Variants in GRIN2A observed in about 807,000 individuals in gnomAD.
GRIN2A encodes the protein glutamate receptor ionotropic, NMDA 2A.
A neutral mutation model predicts 113.4 loss-of-function variants in GRIN2A; 22 were observed. The observed-to-expected ratio is 0.19, with a 90% CI of 0.14 to 0.28. The LOEUF is 0.28. GRIN2A is among the 10% of genes least tolerant of loss of function. The probability of loss-of-function intolerance (pLI) is 1.00; values close to 1 mark genes in which losing one functional copy is unlikely to be tolerated. For synonymous variants in GRIN2A, 827 were observed against 738.4 expected (o/e 1.12, Z -1.94); for missense variants, 1,502 against 1,887.0 (o/e 0.80, Z 3.78).
intron 4 of GRIN2A, among the ~76,000 whole-genome samples, chr16:9,851,255 T>C (rs1158978651): frequency 6.6e-6 from 1 of 152,222 alleles, no homozygotes; most frequent in Non-Finnish European, 1.5e-5. Context: ...TGTGGCTAAT[T>C]ACAAAATTGT....
intron 2 of GRIN2A, among the ~76,000 whole-genome samples, chr16:10,147,455 CAAAAAAAAAAAAAAA>C (rs367830700): frequency 1.4e-5 from 1 of 72,942 alleles, no homozygotes; most frequent in Non-Finnish European, 2.3e-5. Flanking sequence ...ACTAAAAATA[CAAAAAAAAAAAAAAA>C]AAAAAAAAAT....
Position 9,952,460 on chromosome 16 carries a change from C to CA in GRIN2A, c.415-13910dup, listed in dbSNP as rs200311889. On this transcript the variant is annotated intron_variant, in intron 2 of 12. Transcript: ENST00000330684. Reference sequence around the variant, plus strand: ...CAGCTTAGTGCTGAAGAAACACATGCAAAAAAAAAGAAAAAAGAGCCAGAG... The same window carrying CA: ...CAGCTTAGTGCTGAAGAAACACATGCAAAAAAAAAAGAAAAAAGAGCCAGAG... Among the ~76,000 whole-genome samples, 421 of 148,422 alleles carry CA rather than the reference C, an allele frequency of 2.8e-3. 4 individuals carry two copies. Among genetic ancestry groups the CA allele is most frequent in the East Asian group, 0.026 (130 of 5,080 alleles).
intron 2 of GRIN2A, among the ~76,000 whole-genome samples, chr16:9,956,744 T>A (rs1239435952): frequency 2.0e-5 from 3 of 152,112 alleles, no homozygotes; most frequent in African/African-American, 7.2e-5. Context: ...GAATGCACAA[T>A]GGGGGAAACA....
At chr16:9,821,586 G>T (rs1024370156) in intron 10 of GRIN2A, among the ~76,000 whole-genome samples, 2 of 152,094 alleles carry the variant, frequency 1.3e-5, no homozygotes, top group East Asian at 3.9e-4. Context: ...CATCCAAAAG[G>T]CTTTCCATCA....
In GRIN2A at chr16:9,840,667, A is replaced by G. The variant is rs2141342044; in HGVS notation, c.1631T>C (p.Val544Ala). The part of the protein sequence containing the change: ...SVMVSRSNGT[V>A]SPSAFLEPFS... ...CACACCTAGAAAAGCAGAAGGTGAGACGGTGCCATTACTTCTTGAAACCAT... is the reference window on the plus strand; with the variant it reads ...CACACCTAGAAAAGCAGAAGGTGAGGCGGTGCCATTACTTCTTGAAACCAT... The change falls in exon 7 of 13, where the codon GTC becomes GCC. Residue 544 changes from valine (V) to alanine (A), a missense_variant. This residue lies in a region of GRIN2A where 82 missense variants were observed against 222.7 expected (regional missense o/e 0.37). Coordinates refer to ENST00000330684, the MANE Select transcript of GRIN2A (RefSeq NM_001134407.3). 6.2e-7 allele frequency: 1 copy of G among 1,613,806 alleles called. No individual in the cohort carries two copies. The highest frequency in any genetic ancestry group is 8.5e-7 in the Non-Finnish European group (1 of 1,179,784).
intron 2 of GRIN2A, among the ~76,000 whole-genome samples, chr16:10,140,507 AG>A (rs1243575408): frequency 1.3e-5 from 2 of 152,156 alleles, no homozygotes; most frequent in Non-Finnish European, 2.9e-5. Context: ...TAATTCAAAT[AG>A]GTAGCCTATG....
intron 2 of GRIN2A, among the ~76,000 whole-genome samples, chr16:10,083,267 C>A (rs539119944): frequency 3.3e-5 from 5 of 152,170 alleles, no homozygotes; most frequent in Non-Finnish European, 5.9e-5. Context: ...CCAGTCCTTG[C>A]GTGATTTCTT....
In GRIN2A at chr16:10,031,046, A is replaced by T. The variant is rs376794528; in HGVS notation, c.415-92495T>A. 1.3e-4 allele frequency among the ~76,000 whole-genome samples: 20 copies of T among 152,340 alleles called. No homozygotes were observed. In the South Asian group the frequency reaches 3.9e-3, roughly 30 times the overall value. ...CCAGGGAGAAATCTGAACTCGGGAA[A>T]GTGGTGTGGGGGCCAGAATTTGAGA... On this transcript the variant is annotated intron_variant, in intron 2 of 12. Coordinates refer to ENST00000330684, the MANE Select transcript of GRIN2A (RefSeq NM_001134407.3).
At chr16:10,104,664 C>G (rs1432190671) in intron 2 of GRIN2A, among the ~76,000 whole-genome samples, 1 of 152,116 alleles carries the variant, frequency 6.6e-6, no homozygotes, top group African/African-American at 2.4e-5. Context: ...ATGACAGAGA[C>G]AAGTTTCTGT....
At chr16:9,853,694 C>A (rs984342167) in intron 4 of GRIN2A, among the ~76,000 whole-genome samples, 7 of 152,134 alleles carry the variant, frequency 4.6e-5, no homozygotes, top group Non-Finnish European at 5.9e-5. Flanking sequence ...ATATAACCTG[C>A]CTGAAGATGG....
Position 10,012,240 on chromosome 16 carries a change from T to C in GRIN2A, c.415-73689A>G, listed in dbSNP as rs930386530. Among the ~76,000 whole-genome samples the C allele has an allele frequency of 2.0e-5, 3 of 152,226 alleles. No individual in the cohort carries two copies. The South Asian group carries it at 6.2e-4, about 32-fold the overall frequency. ...TGTACAGAACAGAGCACAGATTCAA[T>C]GTTGAATTGAACTGATTATGTGACA... On this transcript the variant is annotated intron_variant, in intron 2 of 12. Transcript: ENST00000330684.
chr16:10,020,537 G>A (rs2046699841), intron 2 of GRIN2A, among the ~76,000 whole-genome samples: 1 of 152,272 alleles, frequency 6.6e-6, no homozygotes, highest in Non-Finnish European at 1.5e-5. Flanking sequence ...AGCTGTGTGT[G>A]CAATAAATAT....
At chr16:9,999,434 C>G (rs2046283732) in intron 2 of GRIN2A, among the ~76,000 whole-genome samples, 1 of 152,186 alleles carries the variant, frequency 6.6e-6, no homozygotes, top group South Asian at 2.1e-4. Flanking sequence ...GAGTTCATGT[C>G]TTTTGTAGGG....
chr16:10,138,501 G>A (rs980884044), intron 2 of GRIN2A, among the ~76,000 whole-genome samples: 12 of 152,136 alleles, frequency 7.9e-5, no homozygotes, highest in African/African-American at 2.7e-4. Flanking sequence ...ATCAGATCTC[G>A]TGAGAACTCG....
intron 8 of GRIN2A, among the ~76,000 whole-genome samples, chr16:9,833,741 A>T (rs1158710515): frequency 6.6e-6 from 1 of 152,192 alleles, no homozygotes; most frequent in Non-Finnish European, 1.5e-5. Context: ...TGTGTGTGTG[A>T]TTGAGTCTCG....
chr16:10,070,633 T>C (rs72774116), intron 2 of GRIN2A, among the ~76,000 whole-genome samples: 14,576 of 152,192 alleles, frequency 0.096, 756 homozygotes, highest in African/African-American at 0.11. Flanking sequence ...CTTCGTATTC[T>C]CTGAGCACTC....
chr16:9,952,460 C>CAA lies in GRIN2A; in HGVS notation c.415-13911_415-13910dup, dbSNP rs200311889. Among the ~76,000 whole-genome samples, 10 of 148,322 alleles carry CAA rather than the reference C, an allele frequency of 6.7e-5. 1 individual carries two copies. In the East Asian group the frequency reaches 2.0e-3, roughly 29 times the overall value. Reference sequence around the variant, plus strand: ...CAGCTTAGTGCTGAAGAAACACATGCAAAAAAAAAGAAAAAAGAGCCAGAG... The same window carrying CAA: ...CAGCTTAGTGCTGAAGAAACACATGCAAAAAAAAAAAGAAAAAAGAGCCAGAG... On this transcript the variant is annotated intron_variant, in intron 2 of 12. Transcript: ENST00000330684.
chr16:10,030,117 G>A (rs1419968052), intron 2 of GRIN2A, among the ~76,000 whole-genome samples: 2 of 152,112 alleles, frequency 1.3e-5, no homozygotes, highest in Non-Finnish European at 1.5e-5. Flanking sequence ...TGCAAGCTGG[G>A]CTGCCTATGG....
intron 4 of GRIN2A, among the ~76,000 whole-genome samples, chr16:9,853,738 T>C (rs534463870): frequency 3.4e-3 from 515 of 152,230 alleles, no homozygotes; most frequent in African/African-American, 0.011. Flanking sequence ...TTTTTTTAAT[T>C]ATGGAAATGT....
Sources: allele counts gnomAD v4.1 joint callset (sites outside exome capture counted in the v4.1 genomes callset), GRCh38; gene constraint gnomAD v4.1.1; regional missense constraint gnomAD v4.1.1; transcripts MANE v1.5; gene names NCBI Gene and HGNC (gene_info 2026-07-23, HGNC 2026-07-21).